C6orf89: variants seen among roughly 807,000 people sequenced by gnomAD.
C6orf89 encodes the protein chromosome 6 open reading frame 89.
Under a neutral mutation model 40.7 loss-of-function variants are expected in C6orf89, and 29 were observed. That is an observed-to-expected ratio of 0.71 (90% CI 0.53 to 0.97). The LOEUF is 0.97. Ranked by LOEUF, C6orf89 falls within the 50% of genes least tolerant of loss-of-function variation. The pLI is 0.00. For missense variants in C6orf89, 392 were observed against 429.1 expected (o/e 0.91, Z 0.76); for synonymous variants, 165 against 152.2 (o/e 1.08, Z -0.62).
chr6:36,911,930 A>AC (rs532436687), intron 4 of C6orf89, among the ~76,000 whole-genome samples: 17,164 of 89,766 alleles, frequency 0.19, 2,385 homozygotes, highest in Non-Finnish European at 0.26. Flanking sequence ...ATCACAGTGA[A>AC]CCCCCCCCCC....
At chr6:36,904,894 C>A (rs918092593) in intron 4 of C6orf89, among the ~76,000 whole-genome samples, 1 of 152,216 alleles carries the variant, frequency 6.6e-6, no homozygotes, top group South Asian at 2.1e-4. Context: ...AGAGGCACCA[C>A]CACCAATGAC....
chr6:36,882,100 C>G (rs1358693541), upstream of C6orf89, among the ~76,000 whole-genome samples: 1 of 152,062 alleles, frequency 6.6e-6, no homozygotes, highest in Non-Finnish European at 1.5e-5. Flanking sequence ...AGTCAGTTGG[C>G]CTCATGCTAT....
intron 2 of C6orf89, among the ~76,000 whole-genome samples, chr6:36,896,868 C>T (rs1314041996): frequency 1.3e-5 from 2 of 152,148 alleles, no homozygotes; most frequent in South Asian, 2.1e-4. Flanking sequence ...TGGCTCACAC[C>T]TGTAATCCCA....
At chr6:36,887,521 T>C (rs1476879687) in intron 1 of C6orf89, among the ~76,000 whole-genome samples, 1 of 152,152 alleles carries the variant, frequency 6.6e-6, no homozygotes, top group African/African-American at 2.4e-5. Flanking sequence ...GGACAAAAAC[T>C]GAGGTCAGAG....
At chr6:36,882,642 C>T (rs914383091), upstream of C6orf89, among the ~76,000 whole-genome samples, 3 of 151,646 alleles carry the variant, frequency 2.0e-5, no homozygotes, top group African/African-American at 7.3e-5. Flanking sequence ...ACGATCAAAG[C>T]TTCAGATGCG....
At chr6:36,920,356 G>A (rs560332128) in intron 8 of C6orf89, among the ~76,000 whole-genome samples, 1 of 152,298 alleles carries the variant, frequency 6.6e-6, no homozygotes, top group East Asian at 1.9e-4. Flanking sequence ...ACTGCTGTCA[G>A]TAGCAATCTG....
At chr6:36,879,763 T>C (rs1244532378) in intron 2 of C6orf89, among the ~76,000 whole-genome samples, 1 of 150,962 alleles carries the variant, frequency 6.6e-6, no homozygotes, top group Non-Finnish European at 1.5e-5. Context: ...CTGGATGGGG[T>C]CTCCATCTTG....
chr6:36,889,665 G>A (rs189816374), intron 1 of C6orf89, among the ~76,000 whole-genome samples: 1 of 151,986 alleles, frequency 6.6e-6, no homozygotes. Flanking sequence ...CAAATTCAAT[G>A]TGTGGTCATT....
At chr6:36,917,806 G>A (rs932663638) in intron 7 of C6orf89, among the ~76,000 whole-genome samples, 4 of 141,152 alleles carry the variant, frequency 2.8e-5, no homozygotes, top group Non-Finnish European at 3.1e-5. Context: ...TCTGGGACAC[G>A]GCTTTATCTT....
Position 36,919,595 on chromosome 6 carries a change from C to T in C6orf89, c.843C>T (p.Asp281=), listed in dbSNP as rs1762442803. The stretch of plus-strand genomic sequence containing the variant: ...TCCTCCAGATGCATAAGATGCCTGA[C>T]CTATTTATCATTGGCAGCGGTGAGG... ...VVGSKMHKMP[D]LFIIGSGEAM... The change falls in exon 8 of 9, where the codon GAC becomes GAT. Residue 281 remains aspartate, a synonymous_variant. Coordinates refer to ENST00000480824, the MANE Select transcript of C6orf89 (RefSeq NM_001286635.2). 6.2e-7 allele frequency: 1 copy of T among 1,614,008 alleles called. No homozygotes were observed. The highest frequency in any genetic ancestry group is 2.2e-5 in the East Asian group (1 of 44,876).
upstream of C6orf89, among the ~76,000 whole-genome samples, chr6:36,884,704 T>G (rs1475175267): frequency 6.6e-6 from 1 of 152,148 alleles, no homozygotes; most frequent in Non-Finnish European, 1.5e-5. This position sits in a 1 kb window ranked among gnomAD's most constrained non-coding sequence, Gnocchi z 4.0. Context: ...GTGAGGAATT[T>G]TTTTTTAAAC....
intron 6 of C6orf89, among the ~76,000 whole-genome samples, chr6:36,915,491 C>T (rs945155032): frequency 1.1e-4 from 16 of 152,080 alleles, no homozygotes; most frequent in Non-Finnish European, 1.9e-4. Flanking sequence ...CCTATAATCC[C>T]AACACTTTGG....
intron 5 of C6orf89, 50 bp from the exon 6 acceptor site, chr6:36,914,504 T>A (rs758801020): frequency 1.2e-6 from 2 of 1,611,646 alleles, no homozygotes; most frequent in Non-Finnish European, 1.7e-6. Context: ...TCTAGGAAAT[T>A]TCTGACAAGT....
At chr6:36,911,937 C>CCT (rs1554137410) in intron 4 of C6orf89, among the ~76,000 whole-genome samples, 1 of 147,550 alleles carries the variant, frequency 6.8e-6, no homozygotes, top group Non-Finnish European at 1.5e-5. Context: ...TGAACCCCCC[C>CCT]CCCCCGACCT....
At chr6:36,900,440 G>C (rs977058566) in intron 3 of C6orf89, among the ~76,000 whole-genome samples, 1 of 151,740 alleles carries the variant, frequency 6.6e-6, no homozygotes, top group African/African-American at 2.4e-5. Context: ...GACCTCAGGT[G>C]ATCTGCCCTC....
chr6:36,883,844 T>C (rs1179775418), upstream of C6orf89, among the ~76,000 whole-genome samples: 1 of 152,242 alleles, frequency 6.6e-6, no homozygotes, highest in African/African-American at 2.4e-5. Flanking sequence ...AAGGCTATCG[T>C]TACACAACAG....
chr6:36,874,586 T>C, intron 1 of C6orf89: 1 of 1,264,514 alleles, frequency 7.9e-7, no homozygotes, highest in Non-Finnish European at 1.1e-6. Flanking sequence ...CTGGGGGCCG[T>C]CTCGGCCGCT....
At chr6:36,907,763 TG>T (rs1761979435) in intron 4 of C6orf89, among the ~76,000 whole-genome samples, 1 of 152,222 alleles carries the variant, frequency 6.6e-6, no homozygotes, top group African/African-American at 2.4e-5. Flanking sequence ...TAATTTACGC[TG>T]ACTTTTCTGT....
intron 4 of C6orf89, among the ~76,000 whole-genome samples, chr6:36,910,672 G>A (rs543592647): frequency 5.3e-5 from 8 of 151,676 alleles, no homozygotes; most frequent in Admixed American, 2.6e-4. Flanking sequence ...AGGCGACAGT[G>A]AGCTGAGATG....
Sources: allele counts gnomAD v4.1 joint callset (sites outside exome capture counted in the v4.1 genomes callset), GRCh38; gene constraint gnomAD v4.1.1; non-coding constraint Gnocchi (gnomAD v3.1); transcripts MANE v1.5; gene names NCBI Gene and HGNC (gene_info 2026-07-23, HGNC 2026-07-21).